SLC35F1: variants seen among roughly 807,000 people sequenced by gnomAD.
SLC35F1 encodes chromosome 6 open reading frame 169.
Under a neutral mutation model 48.7 loss-of-function variants are expected in SLC35F1, and 14 were observed. The observed-to-expected ratio is 0.29, with a 90% confidence interval of 0.19 to 0.45. The LOEUF (loss-of-function observed/expected upper bound fraction) is 0.45. Among genes scored for constraint, SLC35F1 ranks in the 20% least tolerant of loss-of-function variants. The pLI, the probability that SLC35F1 is intolerant of heterozygous loss-of-function variation, is 1.00. For synonymous variants in SLC35F1, 190 were observed against 202.2 expected (o/e 0.94, Z 0.51); for missense variants, 404 against 500.0 (o/e 0.81, Z 1.83).
At chr6:118,032,948 T>G (rs538151950) in intron 1 of SLC35F1, among the ~76,000 whole-genome samples, 1 of 152,326 alleles carries the variant, frequency 6.6e-6, no homozygotes, top group South Asian at 2.1e-4. Context: ...ATTTGTGCAT[T>G]TCTCTTGGGA....
At chr6:118,017,054 G>A (rs190549257) in intron 1 of SLC35F1, among the ~76,000 whole-genome samples, 124 of 152,256 alleles carry the variant, frequency 8.1e-4, no homozygotes, top group Non-Finnish European at 1.6e-3. Context: ...TTCCATCCCC[G>A]GAATATTTCT....
chr6:118,215,222 T>C (rs1303554451), intron 2 of SLC35F1, among the ~76,000 whole-genome samples: 1 of 152,142 alleles, frequency 6.6e-6, no homozygotes, highest in Non-Finnish European at 1.5e-5. Flanking sequence ...TGGGGATTTC[T>C]ATATTTGGCC....
chr6:118,308,533 A>G (rs1272395919), intron 7 of SLC35F1, among the ~76,000 whole-genome samples: 1 of 152,132 alleles, frequency 6.6e-6, no homozygotes, highest in East Asian at 1.9e-4. Context: ...CTGCTTACCC[A>G]TGGTTGCATT....
At chr6:118,269,252 T>C (rs982016909) in intron 4 of SLC35F1, among the ~76,000 whole-genome samples, 2 of 152,220 alleles carry the variant, frequency 1.3e-5, no homozygotes, top group Non-Finnish European at 2.9e-5. Context: ...AAAAACAATG[T>C]AGATGTGGCT....
At chr6:117,996,784 A>C (rs1776998660) in intron 1 of SLC35F1, among the ~76,000 whole-genome samples, 1 of 152,228 alleles carries the variant, frequency 6.6e-6, no homozygotes, top group Non-Finnish European at 1.5e-5. Flanking sequence ...CCATCTGTAC[A>C]TCACCATCAT....
chr6:118,175,655 A>T (rs1156555264), intron 2 of SLC35F1, among the ~76,000 whole-genome samples: 1 of 152,120 alleles, frequency 6.6e-6, no homozygotes, highest in Non-Finnish European at 1.5e-5. Flanking sequence ...CTTCACAAAC[A>T]CTACCACTGT....
intron 1 of SLC35F1, among the ~76,000 whole-genome samples, chr6:118,151,481 G>A (rs1582696446): frequency 6.6e-6 from 1 of 152,138 alleles, no homozygotes; most frequent in Admixed American, 6.5e-5. Flanking sequence ...ATTTTTGTCA[G>A]TAGATATTAT....
In SLC35F1 at chr6:118,149,060, A is replaced by G. The variant is rs927525817; in HGVS notation, c.174-5385A>G. On this transcript the variant is annotated intron_variant, in intron 1 of 7. Transcript: ENST00000360388. ...AGCATCTGTTTTCTTTCTGTCCAGC[A>G]GTCCTCAAGGCACTAGAAACAGAAA... 3.3e-5 allele frequency among the ~76,000 whole-genome samples: 5 copies of G among 152,206 alleles called. No individual in the cohort carries two copies. In the East Asian group the frequency reaches 5.8e-4, roughly 18 times the overall value.
At chr6:118,017,384 T>C (rs1777336263) in intron 1 of SLC35F1, among the ~76,000 whole-genome samples, 1 of 152,220 alleles carries the variant, frequency 6.6e-6, no homozygotes, top group South Asian at 2.1e-4. Flanking sequence ...CAAGCCAAGG[T>C]GGCTGCTCAA....
At chr6:117,991,270 T>C (rs1354868749) in intron 1 of SLC35F1, among the ~76,000 whole-genome samples, 2 of 152,124 alleles carry the variant, frequency 1.3e-5, no homozygotes, top group Non-Finnish European at 2.9e-5. Flanking sequence ...TTTAGTTTTT[T>C]TAATTTTGAA....
chr6:118,107,055 G>T (rs558787315), intron 1 of SLC35F1, among the ~76,000 whole-genome samples: 30 of 152,176 alleles, frequency 2.0e-4, no homozygotes, highest in African/African-American at 7.2e-4. Flanking sequence ...CTTAATTCTG[G>T]TTTTCCCCAA....
At chr6:118,279,329 A>C (rs560322044) in intron 6 of SLC35F1, among the ~76,000 whole-genome samples, 2 of 152,118 alleles carry the variant, frequency 1.3e-5, no homozygotes, top group South Asian at 4.2e-4. Flanking sequence ...GGAATCAAAT[A>C]CTCATCTTCC....
chr6:118,179,239 A>G (rs573414121), intron 2 of SLC35F1, among the ~76,000 whole-genome samples: 1 of 152,136 alleles, frequency 6.6e-6, no homozygotes, highest in Non-Finnish European at 1.5e-5. Context: ...GAGGAGTCGC[A>G]TGATCTGCCA....
intron 1 of SLC35F1, among the ~76,000 whole-genome samples, chr6:117,989,156 C>T (rs1352962813): frequency 6.6e-6 from 1 of 152,176 alleles, no homozygotes; most frequent in African/African-American, 2.4e-5. Context: ...CCCTCCACTC[C>T]CTGTCCACTC....
At position 118,214,369 on chromosome 6, in the gene SLC35F1, T is replaced by C. The variant is rs190039314; in HGVS notation, c.350-21140T>C. On this transcript the variant is annotated intron_variant, in intron 2 of 7. Coordinates refer to ENST00000360388, the MANE Select transcript of SLC35F1 (RefSeq NM_001029858.4). ...AGGTGGGTTTCACTCTATGAAAACATAACAAGAAAATTACCACTTACAAAA... is the reference window on the plus strand; with the variant it reads ...AGGTGGGTTTCACTCTATGAAAACACAACAAGAAAATTACCACTTACAAAA... 2.3e-3 allele frequency among the ~76,000 whole-genome samples: 353 copies of C among 152,292 alleles called. 1 individual carries two copies. The highest frequency in any genetic ancestry group is 8.1e-3 in the African/African-American group (337 of 41,568).
intron 1 of SLC35F1, among the ~76,000 whole-genome samples, chr6:118,081,776 C>T (rs2114322005): frequency 6.6e-6 from 1 of 152,278 alleles, no homozygotes; most frequent in Non-Finnish European, 1.5e-5. Flanking sequence ...AGTACCAAGC[C>T]TTCTAAATTT....
intron 2 of SLC35F1, among the ~76,000 whole-genome samples, chr6:118,192,705 C>T (rs983710481): frequency 6.6e-6 from 1 of 152,090 alleles, no homozygotes; most frequent in Non-Finnish European, 1.5e-5. Context: ...TGATGGTATA[C>T]ACTAAAATAT....
chr6:117,933,740 A>G (rs981414621), intron 1 of SLC35F1, among the ~76,000 whole-genome samples: 3 of 152,154 alleles, frequency 2.0e-5, no homozygotes, highest in African/African-American at 7.2e-5. Context: ...GCAGACAGAG[A>G]GGGCTCTTGT....
chr6:118,275,420 A>G, intron 4 of SLC35F1, 39 bp from the exon 5 acceptor site: 3 of 1,576,946 alleles, frequency 1.9e-6, no homozygotes, highest in Non-Finnish European at 2.6e-6. Context: ...GAAAGTTTTA[A>G]TGATGCTCCC....
Sources: allele counts gnomAD v4.1 joint callset (sites outside exome capture counted in the v4.1 genomes callset), GRCh38; gene constraint gnomAD v4.1.1; transcripts MANE v1.5; gene names NCBI Gene and HGNC (gene_info 2026-07-23, HGNC 2026-07-21).